Variants in CNTNAP2 observed in about 807,000 individuals in gnomAD.
CNTNAP2 encodes the protein contactin associated protein 2, also known as contactin-associated protein-like 2.
A neutral mutation model predicts 155.2 loss-of-function variants in CNTNAP2; 98 were observed. The ratio of observed to expected loss-of-function variants is 0.63; its 90% CI spans 0.54 to 0.75. The LOEUF is 0.75. CNTNAP2 is among the 30% of genes least tolerant of loss of function. The probability of loss-of-function intolerance (pLI) is 0.00; values close to 1 mark genes in which losing one functional copy is unlikely to be tolerated. For synonymous variants in CNTNAP2, 651 were observed against 631.2 expected (o/e 1.03, Z -0.47); for missense variants, 1,727 against 1,688.1 (o/e 1.02, Z -0.40).
chr7:146,116,885 G>A lies in CNTNAP2; in HGVS notation c.9G>A (p.Ala3=). Residue 3 remains alanine, a synonymous_variant, in exon 1 of 24, where the codon GCG becomes GCA. Transcript: ENST00000361727. This position sits in a 1 kb window ranked among gnomAD's most constrained non-coding sequence, Gnocchi z 5.5. ...CGGCCGGGAGGCGAAGGATGCAGGCGGCTCCGCGCGCCGGCTGCGGGGCAG... is the reference window on the plus strand; with the variant it reads ...CGGCCGGGAGGCGAAGGATGCAGGCAGCTCCGCGCGCCGGCTGCGGGGCAG... MQ[A]APRAGCGAAL... The A allele has an allele frequency of 6.5e-7, 1 of 1,545,782 alleles. No individual in the cohort carries two copies. The highest frequency in any genetic ancestry group is 1.4e-5 in the African/African-American group (1 of 73,102).
At chr7:146,945,772 G>T (rs1199166666) in intron 3 of CNTNAP2, among the ~76,000 whole-genome samples, 1 of 151,984 alleles carries the variant, frequency 6.6e-6, no homozygotes, top group African/African-American at 2.4e-5. Flanking sequence ...TAAAATCCAT[G>T]TTGGAAATGT....
intron 10 of CNTNAP2, among the ~76,000 whole-genome samples, chr7:147,411,250 A>G (rs1797097609): frequency 6.6e-6 from 1 of 152,216 alleles, no homozygotes; most frequent in Non-Finnish European, 1.5e-5. Context: ...GAAGTATTCA[A>G]TGGGAAAAAA....
At chr7:147,830,982 A>G (rs1798537038) in intron 13 of CNTNAP2, among the ~76,000 whole-genome samples, 1 of 152,204 alleles carries the variant, frequency 6.6e-6, no homozygotes, top group African/African-American at 2.4e-5. Context: ...TTGCATTACC[A>G]TAGCCTTGCT....
At chr7:146,416,051 C>A (rs973034749) in intron 1 of CNTNAP2, among the ~76,000 whole-genome samples, 8 of 151,748 alleles carry the variant, frequency 5.3e-5, no homozygotes, top group African/African-American at 1.9e-4. Context: ...ACAAAGTAAT[C>A]ATGGAAGAAT....
At chr7:146,697,040 A>C (rs559897414) in intron 1 of CNTNAP2, among the ~76,000 whole-genome samples, 1 of 152,106 alleles carries the variant, frequency 6.6e-6, no homozygotes, top group Non-Finnish European at 1.5e-5. Context: ...CTGATTAACT[A>C]TGTCTTATTT....
chr7:146,443,926 G>A (rs1210219416), intron 1 of CNTNAP2, among the ~76,000 whole-genome samples: 4 of 152,158 alleles, frequency 2.6e-5, no homozygotes, highest in Non-Finnish European at 5.9e-5. Context: ...TATTATCACA[G>A]TGTTCTGTAT....
At chr7:146,170,140 C>T (rs1562975799) in intron 1 of CNTNAP2, among the ~76,000 whole-genome samples, 1 of 151,444 alleles carries the variant, frequency 6.6e-6, no homozygotes, top group Non-Finnish European at 1.5e-5. Flanking sequence ...AATTCTCATG[C>T]CACAGCCTTC....
intron 2 of CNTNAP2, among the ~76,000 whole-genome samples, chr7:146,800,390 T>C (rs2129191299): frequency 6.6e-6 from 1 of 152,352 alleles, no homozygotes; most frequent in East Asian, 1.9e-4. Context: ...ACCAGCTGGC[T>C]CTGACCCTAG....
chr7:146,328,788 A>AT (rs1436812963), intron 1 of CNTNAP2, among the ~76,000 whole-genome samples: 2 of 152,046 alleles, frequency 1.3e-5, no homozygotes. Context: ...ATCACGCAAT[A>AT]TTTGTCTTTC....
chr7:146,956,320 C>G (rs913579422), intron 3 of CNTNAP2, among the ~76,000 whole-genome samples: 1 of 152,040 alleles, frequency 6.6e-6, no homozygotes, highest in African/African-American at 2.4e-5. Flanking sequence ...CTACAAGGCC[C>G]TTTTTCAAAA....
chr7:146,928,958 C>A (rs1326246131), intron 3 of CNTNAP2, among the ~76,000 whole-genome samples: 3 of 152,230 alleles, frequency 2.0e-5, no homozygotes, highest in African/African-American at 7.2e-5. Context: ...TGGAGCCCAC[C>A]ACAGCTCAAG....
At chr7:147,676,603 A>G (rs368123634) in intron 13 of CNTNAP2, among the ~76,000 whole-genome samples, 2 of 152,008 alleles carry the variant, frequency 1.3e-5, no homozygotes, top group East Asian at 3.9e-4. Flanking sequence ...GACGTCTTTA[A>G]CTTCCTCCTA....
rs373397260 is a variant in CNTNAP2, at chr7:146,183,581, C to A, written c.97+66608C>A. Among the ~76,000 whole-genome samples, 16 of 149,798 alleles carry A rather than the reference C, an allele frequency of 1.1e-4. 1 individual carries two copies. The East Asian group carries it at 1.2e-3, about 11-fold the overall frequency. On this transcript the variant is annotated intron_variant, in intron 1 of 23. Transcript: ENST00000361727. ...TGCTGCCGCAGATCTGCTGTCAGCA[C>A]CATCAGGAGAATTTATCACCACACA...
intron 12 of CNTNAP2, among the ~76,000 whole-genome samples, chr7:147,630,511 A>G (rs999002045): frequency 3.3e-5 from 5 of 152,130 alleles, no homozygotes; most frequent in Non-Finnish European, 5.9e-5. Context: ...CCAGGAAAGG[A>G]CATAACAGAA....
intron 15 of CNTNAP2, among the ~76,000 whole-genome samples, chr7:148,106,089 T>C (rs1804211008): frequency 6.6e-6 from 1 of 152,162 alleles, no homozygotes; most frequent in Non-Finnish European, 1.5e-5. Context: ...CCTTGGGGAT[T>C]GACTGGATGC....
Position 148,318,059 on chromosome 7 carries a change from T to C in CNTNAP2, c.3475+50933T>C, listed in dbSNP as rs539497311. Among the ~76,000 whole-genome samples the C allele has an allele frequency of 3.3e-5, 5 of 152,336 alleles. 1 individual carries two copies. In the South Asian group the frequency reaches 8.3e-4, roughly 25 times the overall value. ...CTTCTTTATCCCGGAGAGATGGCCC[T>C]TTCATCAAAGTCTCATTCAGACCCT... On this transcript the variant is annotated intron_variant, in intron 21 of 23. Transcript: ENST00000361727.
At chr7:147,690,642 A>G (rs750556280) in intron 13 of CNTNAP2, among the ~76,000 whole-genome samples, 2 of 152,172 alleles carry the variant, frequency 1.3e-5, no homozygotes, top group African/African-American at 4.8e-5. Context: ...GAGAGCAAAT[A>G]GATTCTGGAC....
At chr7:148,154,218 G>A (rs542167417) in intron 17 of CNTNAP2, among the ~76,000 whole-genome samples, 1 of 152,362 alleles carries the variant, frequency 6.6e-6, no homozygotes, top group East Asian at 1.9e-4. Flanking sequence ...AAGGCACGCT[G>A]TCTTCAGGAG....
At chr7:147,386,643 T>C (rs976100004) in intron 9 of CNTNAP2, among the ~76,000 whole-genome samples, 2 of 152,122 alleles carry the variant, frequency 1.3e-5, no homozygotes, top group African/African-American at 4.8e-5. Flanking sequence ...ATTGTCCATA[T>C]CATTATCAAC....
Sources: allele counts gnomAD v4.1 joint callset (sites outside exome capture counted in the v4.1 genomes callset), GRCh38; gene constraint gnomAD v4.1.1; non-coding constraint Gnocchi (gnomAD v3.1); transcripts MANE v1.5; gene names NCBI Gene and HGNC (gene_info 2026-07-23, HGNC 2026-07-21).